The following IRAG2 variants were observed in gnomAD, a reference collection of about 807,000 sequenced individuals.
The protein encoded by IRAG2 is lymphoid restricted membrane protein.
Under a neutral mutation model 69.9 loss-of-function variants are expected in IRAG2, and 45 were observed. The ratio of observed to expected loss-of-function variants is 0.64; its 90% CI spans 0.51 to 0.83. The LOEUF (loss-of-function observed/expected upper bound fraction) is 0.83. Ranked by LOEUF, IRAG2 falls within the 40% of genes least tolerant of loss-of-function variation. The pLI is 0.00. For missense variants in IRAG2, 520 were observed against 587.0 expected, an observed-to-expected ratio of 0.89 and a Z score of 1.18; for synonymous variants, 193 against 202.4, an observed-to-expected ratio of 0.95 and a Z score of 0.40.
Position 25,065,100 on chromosome 12 carries a change from A to C in IRAG2, c.-206-1265A>C, listed in dbSNP as rs115547154. Among the ~76,000 whole-genome samples, 4 of 151,904 alleles carry C rather than the reference A, an allele frequency of 2.6e-5. No individual in the cohort carries two copies. In the South Asian group the frequency reaches 8.3e-4, roughly 32 times the overall value. ...GTGAGACTCAGTCTCAAAAAAAAAA[A>C]AGAGAGAGAGAAAGAATGCTTGCTA... On this transcript the variant is annotated intron_variant, in intron 4 of 21. Transcript: ENST00000556887.
At chr12:25,087,180 T>TTTTTTTTTTTTTTTTG (rs1450270058) in intron 10 of IRAG2, among the ~76,000 whole-genome samples, 3 of 125,170 alleles carry the variant, frequency 2.4e-5, no homozygotes, top group African/African-American at 9.4e-5. Flanking sequence ...TTTTTTTTTT[T>TTTTTTTTTTTTTTTTG]TTGTTGAGAC....
chr12:25,087,413 C>T (rs7975354), intron 10 of IRAG2, among the ~76,000 whole-genome samples: 30,161 of 151,912 alleles, frequency 0.2, 3,228 homozygotes, highest in Admixed American at 0.28. Flanking sequence ...GGTGATCCAC[C>T]CACCTCAGCC....
chr12:25,106,045 A>G (rs933192500), intron 20 of IRAG2, among the ~76,000 whole-genome samples: 9 of 152,096 alleles, frequency 5.9e-5, no homozygotes, highest in Non-Finnish European at 1.3e-4. Context: ...GCTATTTCCC[A>G]GTTCACTGAA....
chr12:25,106,616 A>G (rs1949158099), intron 20 of IRAG2, among the ~76,000 whole-genome samples: 1 of 92,016 alleles, frequency 1.1e-5, no homozygotes, highest in Admixed American at 1.1e-4. Context: ...GATGAGACTA[A>G]CTTCTGAAAG....
Position 25,089,743 on chromosome 12 carries a change from T to C in IRAG2, c.438-20T>C, listed in dbSNP as rs1353719815. 1 of 1,613,066 alleles carries C rather than the reference T, an allele frequency of 6.2e-7. No homozygotes were observed. Among genetic ancestry groups the C allele is most frequent in the East Asian group, 2.2e-5 (1 of 44,900 alleles). The stretch of plus-strand genomic sequence containing the variant: ...TTCTGTTGGATTATGTTTAAATATG[T>C]TTTTTGTCTTATCCTACAGCACTTC... On this transcript the variant is annotated intron_variant, in intron 12 of 21. Coordinates refer to ENST00000556887, the MANE Select transcript of IRAG2 (RefSeq NM_001366544.2).
chr12:25,017,726 A>C (rs1944542693), intron 6 of IRAG2, among the ~76,000 whole-genome samples: 1 of 151,242 alleles, frequency 6.6e-6, no homozygotes. Flanking sequence ...TCAAAAAAAA[A>C]ACCAACAAAA....
chr12:25,007,781 C>G (rs541906987), intron 2 of IRAG2, among the ~76,000 whole-genome samples: 1 of 152,196 alleles, frequency 6.6e-6, no homozygotes, highest in Non-Finnish European at 1.5e-5. Context: ...CTCGGCTTCC[C>G]AAAGTGTTGG....
intron 13 of IRAG2, among the ~76,000 whole-genome samples, chr12:25,034,364 G>C (rs1447914679): frequency 6.6e-6 from 1 of 152,116 alleles, no homozygotes; most frequent in African/African-American, 2.4e-5. Context: ...AAATTTATTT[G>C]CTTTAGATTA....
chr12:25,072,854 T>C (rs898057989), intron 6 of IRAG2, among the ~76,000 whole-genome samples: 1 of 152,262 alleles, frequency 6.6e-6, no homozygotes, highest in African/African-American at 2.4e-5. Context: ...TGTCAGAATA[T>C]ATCACGCAAA....
intron 16 of IRAG2, among the ~76,000 whole-genome samples, chr12:25,040,122 T>C (rs1944735761): frequency 6.6e-6 from 1 of 152,244 alleles, no homozygotes; most frequent in African/African-American, 2.4e-5. Flanking sequence ...CAGCATAAGA[T>C]GGTTATAACC....
At chr12:25,028,345 T>C (rs1426040294) in intron 9 of IRAG2, among the ~76,000 whole-genome samples, 1 of 152,234 alleles carries the variant, frequency 6.6e-6, no homozygotes, top group Non-Finnish European at 1.5e-5. Flanking sequence ...CCCAGATTTG[T>C]TATCTTTTTA....
intron 1 of IRAG2, among the ~76,000 whole-genome samples, chr12:25,058,854 C>T (rs1945433218): frequency 6.6e-6 from 1 of 152,164 alleles, no homozygotes; most frequent in Admixed American, 6.5e-5. Flanking sequence ...GTTCTAGAGG[C>T]ATTACAGGTC....
At chr12:25,066,212 G>A (rs1945973788) in intron 4 of IRAG2, among the ~76,000 whole-genome samples, 153 bp from the exon 5 acceptor site, 1 of 152,006 alleles carries the variant, frequency 6.6e-6, no homozygotes, top group Non-Finnish European at 1.5e-5. Context: ...TTTACCCTCT[G>A]TGATTAGGCA....
chr12:25,041,041 A>T (rs1399110143), intron 16 of IRAG2, among the ~76,000 whole-genome samples: 1 of 152,174 alleles, frequency 6.6e-6, no homozygotes, highest in African/African-American at 2.4e-5. Flanking sequence ...AGGAGTGATG[A>T]ATTGAGTAGA....
chr12:25,077,309 ATATATAT>A (rs372917042), intron 6 of IRAG2, among the ~76,000 whole-genome samples: 1 of 21,426 alleles, frequency 4.7e-5, no homozygotes, highest in South Asian at 1.8e-3. Flanking sequence ...AATATATATG[ATATATAT>A]GATATATATA....
At chr12:25,000,445 C>CA (rs111687844), upstream of IRAG2, among the ~76,000 whole-genome samples, 17,736 of 150,160 alleles carry the variant, frequency 0.12, 1,124 homozygotes, top group Non-Finnish European at 0.14. Context: ...GGCACCATAT[C>CA]AAAAAAAAAT....
intron 10 of IRAG2, among the ~76,000 whole-genome samples, chr12:25,087,512 TG>T (rs1947710978): frequency 1.3e-5 from 2 of 152,300 alleles, no homozygotes; most frequent in South Asian, 4.1e-4. Flanking sequence ...CTCATTTATT[TG>T]GCAATTAATC....
At chr12:25,077,307 T>TATCA (rs1946823502) in intron 6 of IRAG2, among the ~76,000 whole-genome samples, 2 of 21,370 alleles carry the variant, frequency 9.4e-5, no homozygotes, top group Non-Finnish European at 2.4e-4. Flanking sequence ...GAAATATATA[T>TATCA]GATATATATG....
chr12:25,096,827 C>T, intron 14 of IRAG2, 83 bp from the exon 15 acceptor site: 1 of 1,044,012 alleles, frequency 9.6e-7, no homozygotes, highest in Non-Finnish European at 1.4e-6. Context: ...AGAATGTCAT[C>T]CACATTTGCA....
Sources: gnomAD v4.1 joint callset for allele counts (sites outside exome capture counted in the v4.1 genomes callset) on GRCh38, gnomAD v4.1.1 for gene constraint, MANE v1.5 for transcripts, NCBI Gene and HGNC (gene_info 2026-07-23, HGNC 2026-07-21) for gene names.